Variants in CDH18 observed in about 807,000 individuals in gnomAD.
CDH18 encodes the protein cadherin 18, also known as cadherin-18.
Under a neutral mutation model 67.9 loss-of-function variants are expected in CDH18, and 31 were observed. That is an observed-to-expected ratio of 0.46 (90% CI 0.34 to 0.62). The LOEUF (loss-of-function observed/expected upper bound fraction) is 0.62, where lower values mean the gene tolerates loss of function less well. Ranked by LOEUF, CDH18 falls within the 20% of genes least tolerant of loss-of-function variation. CDH18 has a pLI of 0.01. For synonymous variants in CDH18, 362 were observed against 347.2 expected (o/e 1.04, Z -0.48); for missense variants, 890 against 975.5 (o/e 0.91, Z 1.17).
At chr5:19,555,218 AC>A (rs1189971238) in intron 8 of CDH18, among the ~76,000 whole-genome samples, 1 of 152,162 alleles carries the variant, frequency 6.6e-6, no homozygotes, top group African/African-American at 2.4e-5. Flanking sequence ...CACACTGTGA[AC>A]TTTTGCTCCA....
At chr5:19,959,497 T>G (rs1240486341) in intron 2 of CDH18, among the ~76,000 whole-genome samples, 2 of 152,090 alleles carry the variant, frequency 1.3e-5, no homozygotes, top group East Asian at 3.8e-4. Flanking sequence ...TTTTCCATGT[T>G]TAATTCCAAG....
rs182750088 is a variant in CDH18 at position 19,762,646 on chromosome 5, G to T, written c.229-15410C>A. ...GAAATAGGAATGCTTTTACACTGTC[G>T]GTGGGAGTGTAAACTAGTTCAACCA... On this transcript the variant is annotated intron_variant, in intron 3 of 12. Coordinates refer to ENST00000382275, the MANE Select transcript of CDH18 (RefSeq NM_004934.5). Among the ~76,000 whole-genome samples, 3 of 152,206 alleles carry T rather than the reference G, an allele frequency of 2.0e-5. No individual in the cohort carries two copies. In the East Asian group the frequency reaches 5.8e-4, roughly 29 times the overall value.
chr5:20,470,734 C>T (rs1464530258), intron 1 of CDH18, among the ~76,000 whole-genome samples: 3 of 152,214 alleles, frequency 2.0e-5, no homozygotes, highest in Non-Finnish European at 4.4e-5. Flanking sequence ...TTTGACAAGA[C>T]TCAGCTTTTT....
chr5:20,047,504 T>C (rs1561746040), intron 2 of CDH18, among the ~76,000 whole-genome samples: 1 of 151,806 alleles, frequency 6.6e-6, no homozygotes, highest in Non-Finnish European at 1.5e-5. Flanking sequence ...TCCAGTTAAG[T>C]GCAACACATG....
intron 2 of CDH18, chr5:19,878,192 TTTAA>T (rs1787247388): frequency 6.6e-6 from 1 of 152,074 alleles, no homozygotes; most frequent in South Asian, 2.1e-4. Context: ...ATTTAATTGT[TTTAA>T]TTGTCTATGA....
intron 10 of CDH18, among the ~76,000 whole-genome samples, chr5:19,503,861 A>G (rs931504573): frequency 1.3e-5 from 2 of 152,140 alleles, no homozygotes; most frequent in Non-Finnish European, 2.9e-5. Flanking sequence ...TAAACAGACA[A>G]AAAGATATTT....
intron 5 of CDH18, among the ~76,000 whole-genome samples, chr5:19,647,099 T>C (rs1754864653): frequency 6.6e-6 from 1 of 152,060 alleles, no homozygotes; most frequent in South Asian, 2.1e-4. Context: ...GTTCATAAGA[T>C]AAAGATGCAG....
intron 1 of CDH18, among the ~76,000 whole-genome samples, chr5:20,455,894 A>C (rs1392007129): frequency 6.6e-6 from 1 of 152,076 alleles, no homozygotes; most frequent in Non-Finnish European, 1.5e-5. Context: ...ACAGCTAAGT[A>C]AGCTGTTCAG....
At chr5:19,786,016 G>T (rs1467615156) in intron 3 of CDH18, among the ~76,000 whole-genome samples, 1 of 151,712 alleles carries the variant, frequency 6.6e-6, no homozygotes, top group Non-Finnish European at 1.5e-5. Context: ...GCAGCAGGAG[G>T]ATTACAGTAA....
upstream of CDH18, among the ~76,000 whole-genome samples, chr5:19,993,069 GA>G (rs1800071950): frequency 6.6e-6 from 1 of 152,094 alleles, no homozygotes; most frequent in South Asian, 2.1e-4. Flanking sequence ...AATCATTCAT[GA>G]AGAAATTGTC....
At chr5:19,637,573 C>A (rs1753344614) in intron 5 of CDH18, among the ~76,000 whole-genome samples, 1 of 152,108 alleles carries the variant, frequency 6.6e-6, no homozygotes, top group East Asian at 1.9e-4. Context: ...TCTGCATTTC[C>A]CAGTTTTAGC....
intron 5 of CDH18, among the ~76,000 whole-genome samples, chr5:19,703,286 A>T (rs1763507767): frequency 6.6e-6 from 1 of 152,054 alleles, no homozygotes; most frequent in Non-Finnish European, 1.5e-5. Context: ...ACACCTGAGT[A>T]CTCTTAAGCA....
chr5:20,073,811 T>C (rs552993901), intron 2 of CDH18, among the ~76,000 whole-genome samples: 49 of 152,228 alleles, frequency 3.2e-4, no homozygotes, highest in African/African-American at 1.1e-3. Flanking sequence ...AATAATAGTA[T>C]AGATAAACTC....
At chr5:19,816,495 A>G (rs915629907) in intron 3 of CDH18, among the ~76,000 whole-genome samples, 87 of 151,976 alleles carry the variant, frequency 5.7e-4, no homozygotes, top group African/African-American at 2.1e-3. Context: ...CTCCTTAGTT[A>G]AATTATATCA....
intron 1 of CDH18, among the ~76,000 whole-genome samples, chr5:20,328,623 C>T (rs1000580385): frequency 8.5e-5 from 13 of 152,064 alleles, no homozygotes; most frequent in African/African-American, 2.4e-5. Context: ...ATTCTTCCTT[C>T]ACCCCATAAA....
At chr5:20,185,904 A>T (rs1213820977) in intron 2 of CDH18, among the ~76,000 whole-genome samples, 1 of 151,742 alleles carries the variant, frequency 6.6e-6, no homozygotes, top group African/African-American at 2.4e-5. Flanking sequence ...CTGGAAGAGT[A>T]CCATATACCA....
At chr5:20,572,194 T>C (rs1016109056) in intron 1 of CDH18, among the ~76,000 whole-genome samples, 4 of 150,536 alleles carry the variant, frequency 2.7e-5, no homozygotes, top group Non-Finnish European at 4.4e-5. Flanking sequence ...TTCTTTTATC[T>C]TCAATTCTTC....
At chr5:19,819,633 GATATT>G (rs1404374092) in intron 3 of CDH18, among the ~76,000 whole-genome samples, 2 of 152,156 alleles carry the variant, frequency 1.3e-5, no homozygotes, top group Non-Finnish European at 2.9e-5. Context: ...GAACCCCACA[GATATT>G]TGAATTGGCA....
intron 10 of CDH18, among the ~76,000 whole-genome samples, chr5:19,518,476 T>C (rs1050371089): frequency 9.9e-5 from 15 of 152,126 alleles, no homozygotes. Context: ...GTCAGTGGAC[T>C]AGGAGAGGCA....
Sources: allele counts gnomAD v4.1 joint callset (sites outside exome capture counted in the v4.1 genomes callset), GRCh38; gene constraint gnomAD v4.1.1; transcripts MANE v1.5; gene names NCBI Gene and HGNC (gene_info 2026-07-23, HGNC 2026-07-21).